BRD4: variants seen among roughly 807,000 people sequenced by gnomAD.
BRD4 encodes bromodomain containing 4.
Under a neutral mutation model 142.1 loss-of-function variants are expected in BRD4, and 16 were observed. The ratio of observed to expected loss-of-function variants is 0.11; its 90% CI spans 0.08 to 0.17. The LOEUF (loss-of-function observed/expected upper bound fraction) is 0.17. Among genes scored for constraint, BRD4 ranks in the 10% least tolerant of loss-of-function variants. The probability of loss-of-function intolerance (pLI) is 1.00; values close to 1 mark genes in which losing one functional copy is unlikely to be tolerated. For missense variants in BRD4, 1,424 were observed against 1,810.9 expected (o/e 0.79, Z 3.88); for synonymous variants, 833 against 707.5 (o/e 1.18, Z -2.82).
chr19:15,280,578 G>A (rs1054165774), intron 1 of BRD4: 1 of 434,442 alleles, frequency 2.3e-6, no homozygotes, highest in Non-Finnish European at 3.1e-6. Flanking sequence ...GTCATGAGGT[G>A]TGGGGGCAAG....
intron 1 of BRD4, among the ~76,000 whole-genome samples, chr19:15,312,806 G>A (rs1275805371): frequency 2.0e-5 from 3 of 151,114 alleles, no homozygotes; most frequent in Admixed American, 6.6e-5. Flanking sequence ...GTGGGGGCGC[G>A]TGCCTGTAAT....
At chr19:15,283,323 G>A (rs1407963039) in intron 1 of BRD4, among the ~76,000 whole-genome samples, 3 of 152,188 alleles carry the variant, frequency 2.0e-5, no homozygotes, top group African/African-American at 7.2e-5. Context: ...TGCCCCTGGT[G>A]TCAATCAGAA....
rs200305111 is a variant in BRD4, at chr19:15,255,448, G to A, written c.1896C>T (p.Arg632=). The A allele has an allele frequency of 2.7e-5, 44 of 1,614,032 alleles. No individual in the cohort carries two copies. The South Asian group carries it at 3.8e-4, about 14-fold the overall frequency. ...INKLPGEKLG[R]VVHIIQSREP... ...CCCGTGACTGGATGATGTGCACCAC[G>A]CGGCCCAGCTTCTCGCCGGGGAGCT... is the stretch of plus-strand genomic sequence containing the variant. The change falls in exon 10 of 20, where the codon CGC becomes CGT. Residue 632 remains arginine (R), a synonymous_variant. Coordinates refer to ENST00000679869, the MANE Select transcript of BRD4 (RefSeq NM_001379291.1).
intron 1 of BRD4, among the ~76,000 whole-genome samples, chr19:15,329,115 C>A (rs563343062): frequency 4.0e-5 from 6 of 151,256 alleles, no homozygotes; most frequent in Non-Finnish European, 8.8e-5. Context: ...GAAATTTTAT[C>A]TTTCCAAACT....
At chr19:15,312,025 C>G (rs1189969606) in intron 1 of BRD4, among the ~76,000 whole-genome samples, 1 of 152,178 alleles carries the variant, frequency 6.6e-6, no homozygotes, top group Non-Finnish European at 1.5e-5. Flanking sequence ...ATAGTTTACA[C>G]TGTAAAATGG....
Position 15,276,310 on chromosome 19 carries a change from C to T in BRD4, c.-34-3177G>A, listed in dbSNP as rs1011007119. Among the ~76,000 whole-genome samples, 8 of 152,286 alleles carry T rather than the reference C, an allele frequency of 5.3e-5. No individual in the cohort carries two copies. The Middle Eastern group carries it at 0.01, about 194-fold the overall frequency. Reference sequence around the variant, plus strand: ...TGAGACCCAGATGACTTTTCTAAGGCCCAGATTTGATATGAGGTCAGCCTC... The same window carrying T: ...TGAGACCCAGATGACTTTTCTAAGGTCCAGATTTGATATGAGGTCAGCCTC... On this transcript the variant is annotated intron_variant, in intron 1 of 19. Coordinates refer to ENST00000679869, the MANE Select transcript of BRD4 (RefSeq NM_001379291.1).
In BRD4 at chr19:15,277,491, A is replaced by T. The variant is rs866600189; in HGVS notation, c.-34-4358T>A. Among the ~76,000 whole-genome samples the T allele has an allele frequency of 1.2e-4, 18 of 152,250 alleles. No individual in the cohort carries two copies. In the Middle Eastern group the frequency reaches 0.017, roughly 144 times the overall value. The stretch of plus-strand genomic sequence containing the variant: ...TTGATCAGCAAGTTGCTGTAATAAA[A>T]CAAAGATTGTCCAGGCACAGTGGCT... On this transcript the variant is annotated intron_variant, in intron 1 of 19. Transcript: ENST00000679869.
At chr19:15,289,597 T>C (rs1318153413) in intron 1 of BRD4, among the ~76,000 whole-genome samples, 1 of 151,154 alleles carries the variant, frequency 6.6e-6, no homozygotes, top group African/African-American at 2.4e-5. Flanking sequence ...AATAGATGGG[T>C]ATTACTTCCC....
chr19:15,327,834 CAG>C (rs1346241458), intron 1 of BRD4, among the ~76,000 whole-genome samples: 2 of 139,094 alleles, frequency 1.4e-5, no homozygotes, highest in East Asian at 2.1e-4. Context: ...TCCATAGAGA[CAG>C]AGAGTAGATG....
At chr19:15,317,601 TG>T (rs1382936276) in intron 1 of BRD4, among the ~76,000 whole-genome samples, 1 of 138,902 alleles carries the variant, frequency 7.2e-6, no homozygotes, top group East Asian at 2.1e-4. Context: ...ACAATGGGAG[TG>T]GGGGGTGGTG....
At chr19:15,245,967 T>C (rs1014618241) in intron 11 of BRD4, among the ~76,000 whole-genome samples, 1 of 152,196 alleles carries the variant, frequency 6.6e-6, no homozygotes, top group African/African-American at 2.4e-5. Context: ...TGGCCCTCAG[T>C]GCAGCATGCC....
chr19:15,315,871 A>C (rs1302732341), intron 1 of BRD4, among the ~76,000 whole-genome samples: 1 of 151,682 alleles, frequency 6.6e-6, no homozygotes, highest in African/African-American at 2.4e-5. Context: ...AAGACCGAGA[A>C]GCGGCCGGGC....
chr19:15,296,831 C>G (rs2047826802), intron 1 of BRD4, among the ~76,000 whole-genome samples: 1 of 152,202 alleles, frequency 6.6e-6, no homozygotes, highest in African/African-American at 2.4e-5. Context: ...ACAGAGACTT[C>G]TCTAATCTGA....
chr19:15,318,399 A>G (rs571786017), intron 1 of BRD4, among the ~76,000 whole-genome samples: 1 of 152,244 alleles, frequency 6.6e-6, no homozygotes, highest in South Asian at 2.1e-4. Flanking sequence ...GAATTATTCA[A>G]GTTTATGGTA....
At chr19:15,332,035 C>G (rs1182679655) in intron 1 of BRD4, 1 of 144,900 alleles carries the variant, frequency 6.9e-6, no homozygotes, top group East Asian at 2.0e-4. Context: ...CCGACGGCAC[C>G]AAAGGCAGGA....
chr19:15,244,608 C>CA lies in BRD4; in HGVS notation c.2212-9dup, dbSNP rs1269515553. Reference sequence around the variant, plus strand: ...ATGGTGGTGATGATGGTGCTGCAGACAGAGAGACAGACAGACAGACAGGCT... The same window carrying CA: ...ATGGTGGTGATGATGGTGCTGCAGACAAGAGAGACAGACAGACAGACAGGCT... On this transcript the variant is annotated splice_polypyrimidine_tract_variant and intron_variant, in intron 12 of 19. Transcript: ENST00000679869. 1.5e-5 allele frequency: 24 copies of CA among 1,612,868 alleles called. No homozygotes were observed. Among genetic ancestry groups the CA allele is most frequent in the Non-Finnish European group, 1.9e-5 (22 of 1,179,896 alleles).
At chr19:15,253,972 G>A (rs2047378100) in intron 11 of BRD4, 180 bp downstream of exon 11, 1 of 693,050 alleles carries the variant, frequency 1.4e-6, no homozygotes, top group African/African-American at 1.8e-5. Flanking sequence ...CTACTGCACA[G>A]AGTGCAGGGC....
chr19:15,310,648 C>T (rs992604871), intron 1 of BRD4, among the ~76,000 whole-genome samples: 4 of 151,948 alleles, frequency 2.6e-5, no homozygotes, highest in East Asian at 2.0e-4. Flanking sequence ...CGTGAGCCAC[C>T]GCGCCTGGCC....
chr19:15,278,456 A>C (rs1248789762), intron 1 of BRD4, among the ~76,000 whole-genome samples: 2 of 149,858 alleles, frequency 1.3e-5, no homozygotes, highest in Admixed American at 1.4e-4. Flanking sequence ...AATCACTTGA[A>C]CCCGGGAGGT....
Sources: gnomAD v4.1 joint callset for allele counts (sites outside exome capture counted in the v4.1 genomes callset) on GRCh38, gnomAD v4.1.1 for gene constraint, MANE v1.5 for transcripts, NCBI Gene and HGNC (gene_info 2026-07-23, HGNC 2026-07-21) for gene names.